Variants in CSMD1 observed in about 807,000 individuals in gnomAD.
The protein encoded by CSMD1 is CUB and sushi domain-containing protein 1.
A neutral mutation model predicts 417.5 loss-of-function variants in CSMD1; 213 were observed. That is an observed-to-expected ratio of 0.51 (90% CI 0.46 to 0.57). The LOEUF (loss-of-function observed/expected upper bound fraction) is 0.57, where lower values mean the gene tolerates loss of function less well. Ranked by LOEUF, CSMD1 falls within the 20% of genes least tolerant of loss-of-function variation. The pLI, the probability that CSMD1 is intolerant of heterozygous loss-of-function variation, is 0.00. For missense variants in CSMD1, 6,923 were observed against 4,529.7 expected (o/e 1.53, Z -15.17); for synonymous variants, 2,862 against 1,736.8 (o/e 1.65, Z -16.11).
intron 54 of CSMD1, among the ~76,000 whole-genome samples, chr8:2,984,268 G>A (rs1250243545): frequency 6.6e-6 from 1 of 152,198 alleles, no homozygotes; most frequent in Non-Finnish European, 1.5e-5. Context: ...TGGGAGCCGA[G>A]CAAACGCACA....
At chr8:3,331,165 G>A (rs1409286483) in intron 23 of CSMD1, among the ~76,000 whole-genome samples, 1 of 151,512 alleles carries the variant, frequency 6.6e-6, no homozygotes, top group African/African-American at 2.4e-5. Flanking sequence ...GTGAACCCGG[G>A]AGGTGGAGCT....
chr8:3,255,541 G>A lies in CSMD1; in HGVS notation c.4154-25310C>T, dbSNP rs1437992292. 2.0e-5 allele frequency among the ~76,000 whole-genome samples: 3 copies of A among 152,286 alleles called. No homozygotes were observed. The East Asian group carries it at 5.8e-4, about 29-fold the overall frequency. On this transcript the variant is annotated intron_variant, in intron 26 of 69. Transcript: ENST00000635120. ...CCAGTTCGAGCTTCCCACCTGCTTT[G>A]TTTACCTACTCAAGCCTGTGCAATG...
chr8:4,323,972 C>T (rs902039392), intron 3 of CSMD1, among the ~76,000 whole-genome samples: 2 of 152,190 alleles, frequency 1.3e-5, no homozygotes, highest in African/African-American at 2.4e-5. Flanking sequence ...GTGCAGCCTG[C>T]TGCCTCAAGG....
chr8:3,085,032 GT>G (rs1195774238), intron 49 of CSMD1, among the ~76,000 whole-genome samples: 1 of 152,024 alleles, frequency 6.6e-6, no homozygotes, highest in Non-Finnish European at 1.5e-5. Context: ...ATGAATTTAA[GT>G]GCTTAAAATA....
At chr8:3,371,933 G>C (rs568705670) in intron 18 of CSMD1, among the ~76,000 whole-genome samples, 176 of 152,260 alleles carry the variant, frequency 1.2e-3, no homozygotes, top group African/African-American at 4.1e-3. Flanking sequence ...TCGTTATTGG[G>C]CACCTGCTAT....
At chr8:3,724,478 T>A (rs750249233) in intron 6 of CSMD1, among the ~76,000 whole-genome samples, 1 of 152,184 alleles carries the variant, frequency 6.6e-6, no homozygotes, top group Middle Eastern at 3.2e-3. Flanking sequence ...TAAGTATTGG[T>A]AGCTATATAA....
intron 1 of CSMD1, among the ~76,000 whole-genome samples, chr8:4,765,093 G>A (rs949202161): frequency 4.6e-5 from 7 of 152,066 alleles, no homozygotes; most frequent in Non-Finnish European, 5.9e-5. Flanking sequence ...TGCAACGCAT[G>A]GGCTCATTCA....
chr8:4,800,801 T>C (rs951056607), intron 1 of CSMD1, among the ~76,000 whole-genome samples: 5 of 152,192 alleles, frequency 3.3e-5, no homozygotes, highest in Admixed American at 2.6e-4. Flanking sequence ...TTTCGGGACC[T>C]GGGGAGGGCA....
At chr8:3,848,404 G>A (rs1563141766) in intron 5 of CSMD1, among the ~76,000 whole-genome samples, 2 of 152,088 alleles carry the variant, frequency 1.3e-5, no homozygotes, top group African/African-American at 2.4e-5. Context: ...GGCATAGTTG[G>A]TGTTTTTTAA....
intron 1 of CSMD1, among the ~76,000 whole-genome samples, chr8:4,837,798 G>T (rs765986550): frequency 6.6e-6 from 1 of 151,912 alleles, no homozygotes; most frequent in Non-Finnish European, 1.5e-5. Context: ...CGGCTGGGAT[G>T]GATATATCGT....
intron 3 of CSMD1, among the ~76,000 whole-genome samples, chr8:4,135,382 GA>G (rs1450611646): frequency 1.1e-3 from 26 of 23,008 alleles, no homozygotes; most frequent in African/African-American, 3.5e-3. Flanking sequence ...AAGTGGGAAA[GA>G]GGGGGAAGGA....
chr8:4,805,303 C>G (rs771987121), intron 1 of CSMD1, among the ~76,000 whole-genome samples: 1 of 152,196 alleles, frequency 6.6e-6, no homozygotes, highest in Non-Finnish European at 1.5e-5. Flanking sequence ...ATGCAATATG[C>G]TTCATGTTAT....
chr8:3,848,219 C>T (rs1217940950), intron 5 of CSMD1, among the ~76,000 whole-genome samples: 2 of 152,166 alleles, frequency 1.3e-5, no homozygotes, highest in African/African-American at 2.4e-5. Context: ...GTTGTCAGGA[C>T]ATTGATCCTG....
intron 3 of CSMD1, among the ~76,000 whole-genome samples, chr8:4,253,361 C>T (rs986772527): frequency 1.7e-4 from 25 of 150,526 alleles, no homozygotes; most frequent in South Asian, 1.1e-3. Flanking sequence ...ATTATAATTA[C>T]GCATTTAAAT....
chr8:4,123,521 G>C (rs998312397), intron 3 of CSMD1, among the ~76,000 whole-genome samples: 1 of 152,144 alleles, frequency 6.6e-6, no homozygotes, highest in Admixed American at 6.6e-5. Flanking sequence ...TGTTTTCTTT[G>C]ATGATTAACA....
chr8:3,804,203 A>T (rs1421350767), intron 5 of CSMD1, among the ~76,000 whole-genome samples: 3 of 152,144 alleles, frequency 2.0e-5, no homozygotes, highest in African/African-American at 7.2e-5. Flanking sequence ...AAGTGTTGGG[A>T]TTACAAGTGT....
chr8:4,742,217 A>ATTCAT (rs1435039586), intron 1 of CSMD1, among the ~76,000 whole-genome samples: 6 of 150,352 alleles, frequency 4.0e-5, no homozygotes, highest in African/African-American at 1.5e-4. Flanking sequence ...TTTTTAGTAG[A>ATTCAT]GACGGGGTTT....
At chr8:4,832,485 G>C (rs1450411101) in intron 1 of CSMD1, among the ~76,000 whole-genome samples, 4 of 152,166 alleles carry the variant, frequency 2.6e-5, no homozygotes, top group Non-Finnish European at 1.5e-5. Context: ...ATGTAAATAA[G>C]TAAGGGGACT....
intron 5 of CSMD1, among the ~76,000 whole-genome samples, chr8:3,867,162 A>G (rs1805160657): frequency 6.6e-6 from 1 of 152,200 alleles, no homozygotes; most frequent in African/African-American, 2.4e-5. Context: ...AAGGCAGAAT[A>G]GTTCACTGGT....
Sources: allele counts gnomAD v4.1 joint callset (sites outside exome capture counted in the v4.1 genomes callset), GRCh38; gene constraint gnomAD v4.1.1; transcripts MANE v1.5; gene names NCBI Gene and HGNC (gene_info 2026-07-23, HGNC 2026-07-21).